The following MACF1 variants were observed in gnomAD, a reference collection of about 807,000 sequenced individuals.
MACF1 encodes microtubule-actin cross-linking factor 1.
Under a neutral mutation model 854.8 loss-of-function variants are expected in MACF1, and 193 were observed. The ratio of observed to expected loss-of-function variants is 0.23; its 90% CI spans 0.20 to 0.25. The LOEUF is 0.25. MACF1 is among the 10% of genes least tolerant of loss of function. The pLI, the probability that MACF1 is intolerant of heterozygous loss-of-function variation, is 1.00. For synonymous variants in MACF1, 3,185 were observed against 3,226.7 expected (o/e 0.99, Z 0.44); for missense variants, 7,722 against 8,929.1 (o/e 0.86, Z 5.45).
At position 39,357,582 on chromosome 1, in the gene MACF1, G is replaced by A; in HGVS notation, c.11632G>A (p.Glu3878Lys). The A allele has an allele frequency of 6.2e-7, 1 of 1,614,144 alleles. No homozygotes were observed. The highest frequency in any genetic ancestry group is 2.2e-5 in the East Asian group (1 of 44,884). Reference protein sequence around the residue: ...ELKQVQTLQDELQKFLQDHKE... With the variant: ...ELKQVQTLQDKLQKFLQDHKE... ...GAAGCAGGTGCAGACACTTCAGGAT[G>A]AGTTGCAGAAATTTCTGCAGGATCA... Residue 3878 changes from glutamate (E) to lysine (K), a missense_variant, in exon 45 of 101, where the codon GAG becomes AAG. Physicochemically the swap from Glu to Lys is moderately conservative, Grantham distance 56 (BLOSUM62 1). This residue lies in a region of MACF1 where 2,807 missense variants were observed against 3,235.8 expected (regional missense o/e 0.87). Transcript: ENST00000564288.
intron 2 of MACF1, among the ~76,000 whole-genome samples, chr1:39,132,760 G>A (rs894804581): frequency 6.6e-6 from 1 of 152,252 alleles, no homozygotes; most frequent in Admixed American, 6.5e-5. Context: ...TTGATGTGTG[G>A]GGGGTGGGAA....
At chr1:39,243,216 C>T (rs926634012) in intron 2 of MACF1, among the ~76,000 whole-genome samples, 4 of 152,070 alleles carry the variant, frequency 2.6e-5, no homozygotes, top group Non-Finnish European at 5.9e-5. Flanking sequence ...TGTTTATTAG[C>T]CATTTATATA....
At chr1:39,355,460 C>CTTTTTTTTTTTT (rs56202498) in intron 44 of MACF1, among the ~76,000 whole-genome samples, 3 of 81,054 alleles carry the variant, frequency 3.7e-5, no homozygotes, top group East Asian at 3.7e-4. Flanking sequence ...TTTTCTTCTG[C>CTTTTTTTTTTTT]TTTTTTTTTT....
chr1:39,296,851 A>G (rs543574088), intron 20 of MACF1, among the ~76,000 whole-genome samples: 120 of 150,408 alleles, frequency 8.0e-4, no homozygotes, highest in Non-Finnish European at 1.4e-3. Flanking sequence ...AGGAAAAGAA[A>G]GAAAGAGAGA....
intron 23 of MACF1, among the ~76,000 whole-genome samples, chr1:39,307,788 G>C (rs1219588888): frequency 6.6e-6 from 1 of 151,264 alleles, no homozygotes; most frequent in Non-Finnish European, 1.5e-5. Flanking sequence ...TGGCCAGGCT[G>C]GTCTTGAACT....
chr1:39,417,730 T>A (rs1024831441), intron 58 of MACF1, among the ~76,000 whole-genome samples: 3 of 105,250 alleles, frequency 2.9e-5, no homozygotes, highest in South Asian at 3.3e-4. Flanking sequence ...TTTTTTTTTT[T>A]TTTTTTTTTT....
intron 79 of MACF1, among the ~76,000 whole-genome samples, chr1:39,443,895 A>AG (rs564072994): frequency 3.9e-5 from 6 of 152,314 alleles, no homozygotes; most frequent in South Asian, 4.1e-4. Context: ...AAACTACTTA[A>AG]GGGGGGTTTA....
chr1:39,403,077 GGTT>G (rs1642541776), intron 58 of MACF1, among the ~76,000 whole-genome samples: 1 of 129,556 alleles, frequency 7.7e-6, no homozygotes, highest in South Asian at 2.3e-4. Context: ...TTTTTTGTTT[GGTT>G]GTTTTGTTTT....
At chr1:39,378,601 A>T in intron 53 of MACF1, 78 bp downstream of exon 53, 1 of 1,372,996 alleles carries the variant, frequency 7.3e-7, no homozygotes, top group South Asian at 1.2e-5. Context: ...TGTATGTTGC[A>T]ATATGTGGTG....
At chr1:39,209,115 A>T (rs1644487471) in intron 1 of MACF1, among the ~76,000 whole-genome samples, 1 of 151,794 alleles carries the variant, frequency 6.6e-6, no homozygotes, top group East Asian at 2.0e-4. Context: ...AGCAGGATGT[A>T]GTGGCACATA....
In MACF1 at chr1:39,283,553, A is replaced by C; in HGVS notation, c.915+38A>C. ...TTTCCTAGAAGGCCTTCTGACTTTG[A>C]TTCATTTGGGTGAAATGCATTGGTT... On this transcript the variant is annotated intron_variant, in intron 9 of 100. Transcript: ENST00000564288. This position sits in a 1 kb window ranked among gnomAD's most constrained non-coding sequence, Gnocchi z 4.5. The C allele has an allele frequency of 6.9e-7, 1 of 1,446,570 alleles. No homozygotes were observed. The highest frequency in any genetic ancestry group is 9.7e-7 in the Non-Finnish European group (1 of 1,028,780). 89.6% of individuals were successfully genotyped at this position (1,446,570 alleles called of 1,614,324 possible). A position where few individuals can be genotyped will look rare whatever the true frequency, so the allele number is the denominator to read the frequency against.
intron 63 of MACF1, 128 bp downstream of exon 63, chr1:39,428,415 A>C (rs1643793611): frequency 2.3e-6 from 2 of 877,366 alleles, no homozygotes; most frequent in Non-Finnish European, 3.4e-6. Context: ...ACAAGTGCAT[A>C]GTTAGTGGAC....
intron 23 of MACF1, 62 bp from the exon 24 acceptor site, chr1:39,309,508 A>C: frequency 1.3e-5 from 21 of 1,590,018 alleles, no homozygotes; most frequent in Non-Finnish European, 1.8e-5. Flanking sequence ...TTTCCTTAGA[A>C]GGTCTCTAAT....
intron 2 of MACF1, among the ~76,000 whole-genome samples, chr1:39,144,993 CAT>C (rs1643430770): frequency 2.0e-5 from 3 of 152,170 alleles, no homozygotes; most frequent in Non-Finnish European, 4.4e-5. Flanking sequence ...CCTGACCTAT[CAT>C]GTACAATAGG....
rs1293304246 is a variant in MACF1 at position 39,105,154 on chromosome 1, G to A, written c.220+20716G>A. Among the ~76,000 whole-genome samples the A allele has an allele frequency of 1.3e-5, 2 of 151,896 alleles. No homozygotes were observed. Among genetic ancestry groups the A allele is most frequent in the African/African-American group, 4.8e-5 (2 of 41,410 alleles). On this transcript the variant is annotated intron_variant, in intron 2 of 93. Coordinates refer to the MACF1 transcript ENST00000361689. This position sits in a 1 kb window ranked among gnomAD's most constrained non-coding sequence, Gnocchi z 5.9. ...GTGGGCCGGCCTCTCGCGCCCCTCG[G>A]CTCGGGCCCCAGTCCGGGCCGGGCG...
intron 45 of MACF1, among the ~76,000 whole-genome samples, chr1:39,358,109 C>G (rs1009075338): frequency 1.3e-5 from 2 of 152,228 alleles, no homozygotes; most frequent in African/African-American, 2.4e-5. Flanking sequence ...TACCTAATAC[C>G]TAGCACTGGC....
At chr1:39,433,016 T>C in intron 67 of MACF1, 32 bp from the exon 68 acceptor site, 1 of 1,392,280 alleles carries the variant, frequency 7.2e-7, no homozygotes, top group Non-Finnish European at 1.0e-6. Flanking sequence ...AAAGGGTCTT[T>C]TTACTTCTTA....
chr1:39,462,594 A>T (rs1644578159), intron 93 of MACF1, among the ~76,000 whole-genome samples: 1 of 150,618 alleles, frequency 6.6e-6, no homozygotes, highest in Non-Finnish European at 1.5e-5. Context: ...AAGTGCTTGT[A>T]GCCCCAGCTA....
At position 39,336,069 on chromosome 1, in the gene MACF1, C is replaced by G; in HGVS notation, c.9481C>G (p.Gln3161Glu). 1 of 1,613,980 alleles carries G rather than the reference C, an allele frequency of 6.2e-7. No individual in the cohort carries two copies. The highest frequency in any genetic ancestry group is 2.2e-5 in the East Asian group (1 of 44,880). ...TTCGAAAACTAAGGAAACCAAACAT[C>G]AAATTTCCTCATCTAATGAATGTAA... Reference protein sequence around the residue: ...VTSKTKETKHQISSSNECKEK... With the variant: ...VTSKTKETKHEISSSNECKEK... Residue 3161 changes from glutamine (Q) to glutamate (E), a missense_variant, in exon 37 of 101, where the codon CAA (glutamine) becomes GAA (glutamate). Around this residue, in one of 15 missense-constraint regions of MACF1, gnomAD observed 854 missense variants for 852.6 expected, o/e 1.00. Transcript: ENST00000564288.
Sources: gnomAD v4.1 joint callset for allele counts (sites outside exome capture counted in the v4.1 genomes callset) on GRCh38, gnomAD v4.1.1 for gene constraint, gnomAD v4.1.1 regional missense constraint, Gnocchi (gnomAD v3.1) non-coding constraint, MANE v1.5 for transcripts, NCBI Gene and HGNC (gene_info 2026-07-23, HGNC 2026-07-21) for gene names.